ZMAT4: variants seen among roughly 807,000 people sequenced by gnomAD.
ZMAT4 encodes zinc finger matrin-type 4, also known as zinc finger matrin-type protein 4.
ZMAT4 carries 17 observed loss-of-function variants against 28.7 expected under a neutral mutation model. The ratio of observed to expected loss-of-function variants is 0.59; its 90% CI spans 0.41 to 0.89. The LOEUF (loss-of-function observed/expected upper bound fraction) is 0.89. Ranked by LOEUF, ZMAT4 falls within the 40% of genes least tolerant of loss-of-function variation. ZMAT4 has a pLI of 0.00. For missense variants in ZMAT4, 240 were observed against 283.8 expected (o/e 0.85, Z 1.11); for synonymous variants, 117 against 109.2 (o/e 1.07, Z -0.44).
rs144100827 is a variant in ZMAT4 at position 40,655,420 on chromosome 8, T to C, written c.577+19284A>G. ...GTCAACACAATCCCTACCAAAATCC[T>C]AGCTGCCTTTTTGGAGAAATTGACA... On this transcript the variant is annotated intron_variant, in intron 5 of 6. Transcript: ENST00000297737. 2.9e-3 allele frequency among the ~76,000 whole-genome samples: 438 copies of C among 151,852 alleles called. 4 individuals are homozygous for C. The highest frequency in any genetic ancestry group is 1.0e-2 in the African/African-American group (413 of 41,422).
At chr8:40,593,140 T>C (rs1804952444) in intron 5 of ZMAT4, among the ~76,000 whole-genome samples, 1 of 152,198 alleles carries the variant, frequency 6.6e-6, no homozygotes, top group South Asian at 2.1e-4. Flanking sequence ...GCCGGTGCCA[T>C]AGATCTCGTC....
chr8:40,759,305 G>T (rs1586006409), intron 3 of ZMAT4, among the ~76,000 whole-genome samples: 1 of 140,740 alleles, frequency 7.1e-6, no homozygotes, highest in African/African-American at 2.6e-5. Context: ...AAAAAAAAGG[G>T]AAAAGCCAGT....
intron 3 of ZMAT4, among the ~76,000 whole-genome samples, chr8:40,745,539 G>A (rs954416358): frequency 6.6e-6 from 1 of 152,144 alleles, no homozygotes; most frequent in African/African-American, 2.4e-5. Flanking sequence ...TAGTATAAAT[G>A]AGTTTACAAG....
intron 1 of ZMAT4, among the ~76,000 whole-genome samples, chr8:40,837,548 C>T (rs1271744478): frequency 6.6e-6 from 1 of 152,140 alleles, no homozygotes; most frequent in African/African-American, 2.4e-5. Context: ...CCCAGTGAAA[C>T]CTCTTATGTG....
chr8:40,764,272 A>G (rs1325942852), intron 3 of ZMAT4, among the ~76,000 whole-genome samples: 1 of 150,990 alleles, frequency 6.6e-6, no homozygotes, highest in Non-Finnish European at 1.5e-5. Context: ...GGGAAAAAAA[A>G]TGTAAGATCC....
chr8:40,644,362 CTTG>C (rs1437938317), intron 5 of ZMAT4, among the ~76,000 whole-genome samples: 1 of 152,026 alleles, frequency 6.6e-6, no homozygotes, highest in Non-Finnish European at 1.5e-5. Flanking sequence ...CCTTGAGCAT[CTTG>C]TTGTGCTGGA....
At chr8:40,832,155 G>A (rs966991980) in intron 1 of ZMAT4, among the ~76,000 whole-genome samples, 1 of 151,898 alleles carries the variant, frequency 6.6e-6, no homozygotes, top group Non-Finnish European at 1.5e-5. Flanking sequence ...GCCACCTCCA[G>A]CTCGCGACCA....
At chr8:40,582,397 G>T (rs562243360) in intron 5 of ZMAT4, among the ~76,000 whole-genome samples, 1 of 152,246 alleles carries the variant, frequency 6.6e-6, no homozygotes, top group Admixed American at 6.5e-5. Flanking sequence ...CTACTCAGGA[G>T]GCTGAGAGCC....
At chr8:40,896,757 G>T (rs541507255) in intron 1 of ZMAT4, among the ~76,000 whole-genome samples, 1 of 152,246 alleles carries the variant, frequency 6.6e-6, no homozygotes, top group African/African-American at 2.4e-5. Flanking sequence ...AGAGCAGTTA[G>T]CAGAAGCAGT....
At chr8:40,870,842 A>G (rs1261777949) in intron 1 of ZMAT4, among the ~76,000 whole-genome samples, 1 of 152,222 alleles carries the variant, frequency 6.6e-6, no homozygotes, top group African/African-American at 2.4e-5. Flanking sequence ...TTTGCAAATA[A>G]AGCAGAGATT....
chr8:40,537,877 A>G (rs1334647869), intron 6 of ZMAT4, among the ~76,000 whole-genome samples: 1 of 152,152 alleles, frequency 6.6e-6, no homozygotes, highest in African/African-American at 2.4e-5. Context: ...GGGTGACTCC[A>G]TTCCCTTCTA....
intron 5 of ZMAT4, among the ~76,000 whole-genome samples, chr8:40,656,420 G>A (rs1807925370): frequency 6.6e-6 from 1 of 152,046 alleles, no homozygotes; most frequent in African/African-American, 2.4e-5. Flanking sequence ...GTTATCATAT[G>A]ACCCAGCAAT....
chr8:40,581,623 G>A (rs1008257719), intron 5 of ZMAT4, among the ~76,000 whole-genome samples: 3 of 152,142 alleles, frequency 2.0e-5, no homozygotes, highest in Non-Finnish European at 4.4e-5. Context: ...AGACTCCAGA[G>A]AAAAACTCTA....
intron 2 of ZMAT4, among the ~76,000 whole-genome samples, chr8:40,809,783 C>A (rs1003408837): frequency 6.6e-5 from 10 of 152,086 alleles, no homozygotes; most frequent in Non-Finnish European, 1.5e-4. Context: ...GTGGACCACA[C>A]CTGTAATCCT....
intron 5 of ZMAT4, among the ~76,000 whole-genome samples, chr8:40,639,215 A>G (rs1157683979): frequency 6.6e-6 from 1 of 152,190 alleles, no homozygotes. Context: ...AGCTTTTTAA[A>G]TTTCTTATCT....
chr8:40,828,552 T>C (rs1816161893), intron 1 of ZMAT4, among the ~76,000 whole-genome samples: 1 of 152,140 alleles, frequency 6.6e-6, no homozygotes. Flanking sequence ...ATAAAATGTG[T>C]ATACTAAAAA....
At chr8:40,791,891 A>C (rs1407719778) in intron 2 of ZMAT4, among the ~76,000 whole-genome samples, 3 of 152,148 alleles carry the variant, frequency 2.0e-5, no homozygotes, top group Non-Finnish European at 4.4e-5. Flanking sequence ...TATGAGCACC[A>C]GCTAACTTCA....
chr8:40,747,894 G>A (rs1055354256), intron 3 of ZMAT4, among the ~76,000 whole-genome samples: 2 of 151,968 alleles, frequency 1.3e-5, no homozygotes, highest in Non-Finnish European at 2.9e-5. Context: ...AATAAGAAAA[G>A]GTCAATCATC....
At chr8:40,789,947 C>T (rs1284136606) in intron 2 of ZMAT4, among the ~76,000 whole-genome samples, 1 of 152,128 alleles carries the variant, frequency 6.6e-6, no homozygotes, top group African/African-American at 2.4e-5. Context: ...GGAAAAAAAG[C>T]CAAATATCCA....
Sources: gnomAD v4.1 joint callset for allele counts (sites outside exome capture counted in the v4.1 genomes callset) on GRCh38, gnomAD v4.1.1 for gene constraint, MANE v1.5 for transcripts, NCBI Gene and HGNC (gene_info 2026-07-23, HGNC 2026-07-21) for gene names.